DMD: variants seen among roughly 807,000 people sequenced by gnomAD.
The protein encoded by DMD is dystrophin, also known as mutant dystrophin.
DMD carries 63 observed loss-of-function variants against 330.1 expected under a neutral mutation model. The observed-to-expected ratio is 0.19, with a 90% CI of 0.16 to 0.24. The LOEUF is 0.24. Ranked by LOEUF, DMD falls within the 10% of genes least tolerant of loss-of-function variation. DMD has a pLI of 1.00. For missense variants in DMD, 3,344 were observed against 2,684.1 expected, an observed-to-expected ratio of 1.25 and a Z score of -5.43; for synonymous variants, 1,223 against 959.8, an observed-to-expected ratio of 1.27 and a Z score of -5.07.
At chrX:32,592,623 A>T (rs2055048117) in intron 13 of DMD, among the ~76,000 whole-genome samples, 1 of 111,979 alleles carries the variant, frequency 8.9e-6, no homozygotes, top group South Asian at 3.7e-4. Context: ...TGGACATGGG[A>T]CAAGAACTCA....
intron 30 of DMD, among the ~76,000 whole-genome samples, chrX:32,411,148 T>C (rs2098140167): frequency 9.3e-6 from 1 of 107,261 alleles, no homozygotes; most frequent in Non-Finnish European, 1.9e-5. Context: ...TTTTTCTTTT[T>C]ATAAGATAGA....
intron 52 of DMD, among the ~76,000 whole-genome samples, chrX:31,707,413 A>G (rs2084280151): frequency 9.0e-6 from 1 of 110,885 alleles, no homozygotes; most frequent in African/African-American, 3.3e-5. Context: ...GTGGGAGCTA[A>G]GCACTGAGCA....
At position 32,710,252 on chromosome X, in the gene DMD, TG is replaced by T. The variant is rs201096112; in HGVS notation, c.650-10960del. Reference sequence around the variant, plus strand: ...CCAATAAGTGACAGTCTGATTAAAGTGGAAAAAAAAAAGTAGAGTCCTTGGT... The same window carrying T: ...CCAATAAGTGACAGTCTGATTAAAGTGAAAAAAAAAAGTAGAGTCCTTGGT... On this transcript the variant is annotated intron_variant, in intron 7 of 78. Transcript: ENST00000357033. 4.1e-4 allele frequency among the ~76,000 whole-genome samples: 45 copies of T among 109,652 alleles called. No homozygotes were observed. In the East Asian group the frequency reaches 9.4e-3, roughly 23 times the overall value.
At chrX:32,396,077 T>C (rs2098042061) in intron 30 of DMD, among the ~76,000 whole-genome samples, 1 of 111,452 alleles carries the variant, frequency 9.0e-6, no homozygotes, top group African/African-American at 3.3e-5. Flanking sequence ...ATGAGTCATA[T>C]TGTTGTCATA....
intron 1 of DMD, among the ~76,000 whole-genome samples, chrX:33,098,997 C>T (rs1267754387): frequency 8.9e-6 from 1 of 112,115 alleles, no homozygotes; most frequent in African/African-American, 3.2e-5. Context: ...AGGCTATGAC[C>T]TAATGCGTGC....
At chrX:31,186,852 G>A (rs561472185) in intron 67 of DMD, among the ~76,000 whole-genome samples, 2 of 112,554 alleles carry the variant, frequency 1.8e-5, no homozygotes, top group East Asian at 2.8e-4. Flanking sequence ...AGCATTCATC[G>A]AGTCCAAACT....
intron 2 of DMD, among the ~76,000 whole-genome samples, chrX:32,910,683 C>T (rs12559702): frequency 0.26 from 28,966 of 110,737 alleles, 3,418 homozygotes; most frequent in Admixed American, 0.5. Context: ...CCTCGTGATC[C>T]GCCTGCCTCG....
intron 43 of DMD, among the ~76,000 whole-genome samples, chrX:32,283,703 C>A (rs2097428967): frequency 8.9e-6 from 1 of 111,890 alleles, no homozygotes; most frequent in African/African-American, 3.2e-5. Context: ...TTCCAGCCTG[C>A]CATCTGCCTT....
At position 31,173,595 on chromosome X, in the gene DMD, C is replaced by A; in HGVS notation, c.10272G>T (p.Ser3424=). 1 of 1,208,862 alleles carries A rather than the reference C, an allele frequency of 8.3e-7. No homozygotes were observed. The highest frequency in any genetic ancestry group is 1.1e-6 in the Non-Finnish European group (1 of 893,681). ...TATCATCGTGTGAAAGCTGAGGGGA[C>A]GAGGCAGGCCTATAAGGCAGAAAAT... is the stretch of plus-strand genomic sequence containing the variant. The part of the protein sequence containing the change: ...NFWPVDSAPA[S]SPQLSHDDTH... The change falls in exon 72 of 79, where the codon TCG becomes TCT. Residue 3424 remains serine, a synonymous_variant. Coordinates refer to ENST00000357033, the MANE Select transcript of DMD (RefSeq NM_004006.3).
intron 67 of DMD, among the ~76,000 whole-genome samples, chrX:31,196,857 A>T (rs1399223436): frequency 1.3e-5 from 1 of 75,358 alleles, no homozygotes; most frequent in Non-Finnish European, 2.6e-5. Context: ...AAAAAAAAAA[A>T]AAAAAAAAAA....
At chrX:31,575,552 G>A (rs1477306159) in intron 55 of DMD, among the ~76,000 whole-genome samples, 1 of 111,945 alleles carries the variant, frequency 8.9e-6, no homozygotes, top group Non-Finnish European at 1.9e-5. Context: ...AGGATTTTGA[G>A]TACATATTTT....
At chrX:32,423,575 G>A (rs910501429) in intron 29 of DMD, among the ~76,000 whole-genome samples, 8 of 110,160 alleles carry the variant, frequency 7.3e-5, no homozygotes, top group South Asian at 3.8e-4. Context: ...GCATACAGAC[G>A]AACAAAAACA....
intron 43 of DMD, among the ~76,000 whole-genome samples, chrX:32,282,995 C>T (rs1234207031): frequency 1.8e-5 from 2 of 111,931 alleles, no homozygotes; most frequent in Non-Finnish European, 3.8e-5. Context: ...GATTTGGCAA[C>T]GTAATTTGCT....
At position 31,282,046 on chromosome X, in the gene DMD, T is replaced by A. The variant is rs187720143; in HGVS notation, c.9225-21030A>T. ...AGAAGGTTAGAGGAAATTTGTTACA[T>A]TGCTTTTTAGCTGTTGTTTTTTAGT... On this transcript the variant is annotated intron_variant, in intron 62 of 78. Coordinates refer to ENST00000357033, the MANE Select transcript of DMD (RefSeq NM_004006.3). Among the ~76,000 whole-genome samples, 14 of 111,893 alleles carry A rather than the reference T, an allele frequency of 1.3e-4. No individual in the cohort carries two copies. The East Asian group carries it at 3.9e-3, about 31-fold the overall frequency.
intron 30 of DMD, 48 bp from the exon 31 acceptor site, chrX:32,390,229 C>T: frequency 2.1e-6 from 2 of 971,597 alleles, no homozygotes; most frequent in East Asian, 3.1e-5. Context: ...CAAAGAACAA[C>T]TAACTTTCCA....
intron 7 of DMD, among the ~76,000 whole-genome samples, chrX:32,726,971 A>G (rs1305982532): frequency 9.0e-6 from 1 of 110,656 alleles, no homozygotes; most frequent in African/African-American, 3.3e-5. Context: ...GTGGGTATTC[A>G]TCTTGGAGAT....
At chrX:32,919,468 T>C (rs2146551084) in intron 2 of DMD, among the ~76,000 whole-genome samples, 1 of 112,371 alleles carries the variant, frequency 8.9e-6, no homozygotes, top group African/African-American at 3.2e-5. Flanking sequence ...ACTCATGCCA[T>C]AAATGTAAGA....
intron 7 of DMD, among the ~76,000 whole-genome samples, chrX:32,751,470 G>A (rs766834291): frequency 1.8e-5 from 2 of 111,713 alleles, no homozygotes; most frequent in East Asian, 2.8e-4. Flanking sequence ...TATCTGGTGG[G>A]AGAAACTTCT....
intron 1 of DMD, among the ~76,000 whole-genome samples, chrX:33,173,680 C>A (rs2148709904): frequency 9.0e-6 from 1 of 110,548 alleles, no homozygotes; most frequent in African/African-American, 3.3e-5. Flanking sequence ...TACTGGAATT[C>A]TCAGAAGAAC....
Sources: gnomAD v4.1 joint callset for allele counts (sites outside exome capture counted in the v4.1 genomes callset) on GRCh38, gnomAD v4.1.1 for gene constraint, MANE v1.5 for transcripts, NCBI Gene and HGNC (gene_info 2026-07-23, HGNC 2026-07-21) for gene names.